The following DIAPH3 variants were observed in gnomAD, a reference collection of about 807,000 sequenced individuals.
DIAPH3 encodes protein diaphanous homolog 3.
Under a neutral mutation model 144.3 loss-of-function variants are expected in DIAPH3, and 117 were observed. The observed-to-expected ratio is 0.81, with a 90% CI of 0.70 to 0.95. The LOEUF (loss-of-function observed/expected upper bound fraction) is 0.95. Among genes scored for constraint, DIAPH3 ranks in the 40% least tolerant of loss-of-function variants. The probability of loss-of-function intolerance (pLI) is 0.00; values close to 1 mark genes in which losing one functional copy is unlikely to be tolerated. For missense variants in DIAPH3, 1,421 were observed against 1,412.7 expected, an observed-to-expected ratio of 1.01 and a Z score of -0.09; for synonymous variants, 519 against 488.9, an observed-to-expected ratio of 1.06 and a Z score of -0.81.
At chr13:60,028,917 G>C (rs1158278429) in intron 5 of DIAPH3, among the ~76,000 whole-genome samples, 2 of 152,040 alleles carry the variant, frequency 1.3e-5, no homozygotes. Context: ...AAATTAGCCA[G>C]GTGTGGTGGC....
At chr13:59,884,623 C>G (rs2045314391) in intron 20 of DIAPH3, among the ~76,000 whole-genome samples, 1 of 152,006 alleles carries the variant, frequency 6.6e-6, no homozygotes, top group African/African-American at 2.4e-5. Context: ...GTAATGTGAT[C>G]TAATACATCA....
chr13:59,979,901 T>C (rs999322472), intron 14 of DIAPH3, among the ~76,000 whole-genome samples: 8 of 151,656 alleles, frequency 5.3e-5, no homozygotes, highest in African/African-American at 1.9e-4. Context: ...CAAATCAGAT[T>C]GACTATTTAA....
At chr13:59,856,429 A>G (rs761587140) in intron 22 of DIAPH3, among the ~76,000 whole-genome samples, 72 of 152,182 alleles carry the variant, frequency 4.7e-4, no homozygotes, top group Non-Finnish European at 8.7e-4. Context: ...GAAGTCCAAG[A>G]TCAAGGTGTT....
At chr13:59,712,047 T>C (rs1364436827) in intron 27 of DIAPH3, among the ~76,000 whole-genome samples, 2 of 152,054 alleles carry the variant, frequency 1.3e-5, no homozygotes, top group Non-Finnish European at 2.9e-5. Flanking sequence ...ACAAATAGAA[T>C]AGGACCACTG....
At chr13:59,674,353 T>C (rs2032531970) in intron 27 of DIAPH3, among the ~76,000 whole-genome samples, 1 of 152,128 alleles carries the variant, frequency 6.6e-6, no homozygotes, top group Non-Finnish European at 1.5e-5. Flanking sequence ...AAAGCAGACA[T>C]AACTTTCAGG....
chr13:59,692,400 A>T (rs2033577276), intron 27 of DIAPH3, among the ~76,000 whole-genome samples: 1 of 145,298 alleles, frequency 6.9e-6, no homozygotes, highest in Non-Finnish European at 1.5e-5. Context: ...TCCCTGACTG[A>T]CACCCCCAAC....
intron 27 of DIAPH3, among the ~76,000 whole-genome samples, chr13:59,704,314 C>A (rs1315864010): frequency 6.6e-6 from 1 of 152,224 alleles, no homozygotes. Context: ...CTCGCCTTGG[C>A]AGCTGCAAGT....
intron 1 of DIAPH3, among the ~76,000 whole-genome samples, chr13:60,152,897 T>C (rs1025842981): frequency 1.3e-5 from 2 of 152,210 alleles, no homozygotes; most frequent in East Asian, 3.9e-4. Context: ...CTGGTTCAGG[T>C]ACACATCTAA....
intron 27 of DIAPH3, among the ~76,000 whole-genome samples, chr13:59,770,342 T>G (rs2038062353): frequency 6.6e-6 from 1 of 152,124 alleles, no homozygotes; most frequent in Admixed American, 6.6e-5. Flanking sequence ...TATAAACACT[T>G]ACATGCCTGA....
intron 27 of DIAPH3, among the ~76,000 whole-genome samples, chr13:59,770,876 A>G (rs958630539): frequency 8.5e-5 from 13 of 152,128 alleles, no homozygotes; most frequent in African/African-American, 2.9e-4. Flanking sequence ...AGCTTAATAA[A>G]TTTTGCTGAA....
At chr13:60,113,923 C>T (rs1294974833) in intron 2 of DIAPH3, among the ~76,000 whole-genome samples, 2 of 152,146 alleles carry the variant, frequency 1.3e-5, no homozygotes, top group Non-Finnish European at 1.5e-5. Flanking sequence ...CAACTGAATG[C>T]GGTAGTAAGC....
Position 60,110,059 on chromosome 13 carries a change from T to C in DIAPH3, c.390+1951A>G, listed in dbSNP as rs190444931. On this transcript the variant is annotated intron_variant, in intron 3 of 27. Coordinates refer to ENST00000400324, the MANE Select transcript of DIAPH3 (RefSeq NM_001042517.2). ...ATCAATTTCCCAAGTGAAATGAGTATGAATGTTGAAGTTATTACACTGTAC... is the reference window on the plus strand; with the variant it reads ...ATCAATTTCCCAAGTGAAATGAGTACGAATGTTGAAGTTATTACACTGTAC... 9.7e-4 allele frequency among the ~76,000 whole-genome samples: 147 copies of C among 152,320 alleles called. 1 individual carries two copies. Among genetic ancestry groups the C allele is most frequent in the Non-Finnish European group, 1.8e-3 (121 of 68,010 alleles).
At chr13:59,879,758 A>T (rs1327046407) in intron 20 of DIAPH3, among the ~76,000 whole-genome samples, 1 of 152,172 alleles carries the variant, frequency 6.6e-6, no homozygotes, top group African/African-American at 2.4e-5. Context: ...ACTAAATTCT[A>T]AAAAGGTAAC....
At chr13:59,868,107 C>A (rs911958268) in intron 21 of DIAPH3, among the ~76,000 whole-genome samples, 4 of 151,974 alleles carry the variant, frequency 2.6e-5, no homozygotes, top group Admixed American at 6.6e-5. Flanking sequence ...ATGCGCAAAT[C>A]AGTAAAACCT....
intron 17 of DIAPH3, among the ~76,000 whole-genome samples, chr13:59,955,818 G>A (rs1227295952): frequency 1.3e-5 from 2 of 152,192 alleles, no homozygotes; most frequent in African/African-American, 4.8e-5. Flanking sequence ...CCAGGCTGAG[G>A]TGGTCTCACA....
rs573870094 is a variant in DIAPH3, at chr13:59,877,208, T to C, written c.2607+2021A>G. On this transcript the variant is annotated intron_variant, in intron 21 of 27. Coordinates refer to ENST00000400324, the MANE Select transcript of DIAPH3 (RefSeq NM_001042517.2). ...CAAAAAACCCCTGATCTCATTCTCT[T>C]TTGAGCAACCACTTCAAACATGCCA... 8.5e-5 allele frequency among the ~76,000 whole-genome samples: 13 copies of C among 152,276 alleles called. No individual in the cohort carries two copies. In the East Asian group the frequency reaches 2.5e-3, roughly 29 times the overall value.
chr13:59,862,590 G>C (rs753877573), intron 21 of DIAPH3, among the ~76,000 whole-genome samples: 1 of 152,152 alleles, frequency 6.6e-6, no homozygotes, highest in Non-Finnish European at 1.5e-5. Context: ...AAACAGATTT[G>C]TGTGAGGTGG....
chr13:60,142,710 C>T (rs2059451030), intron 1 of DIAPH3, among the ~76,000 whole-genome samples: 1 of 152,120 alleles, frequency 6.6e-6, no homozygotes, highest in South Asian at 2.1e-4. Context: ...TTAATAATCT[C>T]TGATTTACCT....
At chr13:59,905,070 C>T (rs1358874731) in intron 20 of DIAPH3, among the ~76,000 whole-genome samples, 1 of 151,948 alleles carries the variant, frequency 6.6e-6, no homozygotes, top group Non-Finnish European at 1.5e-5. Flanking sequence ...TGGCCAGGCA[C>T]GGTGGCTCAT....
Sources: allele counts gnomAD v4.1 joint callset (sites outside exome capture counted in the v4.1 genomes callset), GRCh38; gene constraint gnomAD v4.1.1; transcripts MANE v1.5; gene names NCBI Gene and HGNC (gene_info 2026-07-23, HGNC 2026-07-21).